The following SPAG17 variants were observed in gnomAD, a reference collection of about 807,000 sequenced individuals.
The protein encoded by SPAG17 is sperm-associated antigen 17.
Under a neutral mutation model 273.6 loss-of-function variants are expected in SPAG17, and 169 were observed. That is an observed-to-expected ratio of 0.62 (90% confidence interval 0.55 to 0.70). The LOEUF is 0.70. Ranked by LOEUF, SPAG17 falls within the 30% of genes least tolerant of loss-of-function variation. The probability of loss-of-function intolerance (pLI) is 0.00; values close to 1 mark genes in which losing one functional copy is unlikely to be tolerated. For missense variants in SPAG17, 2,557 were observed against 2,627.8 expected, an observed-to-expected ratio of 0.97 and a Z score of 0.59; for synonymous variants, 825 against 873.2, an observed-to-expected ratio of 0.94 and a Z score of 0.97.
chr1:118,116,461 G>A (rs772284262), intron 3 of SPAG17, among the ~76,000 whole-genome samples: 8 of 152,060 alleles, frequency 5.3e-5, no homozygotes, highest in South Asian at 4.1e-4. Context: ...CTCCTGGGGC[G>A]CATATGGTGT....
intron 8 of SPAG17, 59 bp downstream of exon 8, chr1:118,093,096 TG>T (rs1655491287): frequency 6.5e-7 from 1 of 1,527,970 alleles, no homozygotes; most frequent in East Asian, 2.3e-5. Context: ...CTTATAAATA[TG>T]AAAATAAAGT....
At chr1:118,109,043 A>G (rs938554506) in intron 4 of SPAG17, among the ~76,000 whole-genome samples, 50 of 152,160 alleles carry the variant, frequency 3.3e-4, no homozygotes, top group African/African-American at 1.2e-3. Context: ...GTCAAAATTC[A>G]AATATAATTA....
intron 3 of SPAG17, among the ~76,000 whole-genome samples, chr1:118,116,934 A>G (rs942560756): frequency 1.3e-5 from 2 of 152,208 alleles, no homozygotes; most frequent in African/African-American, 4.8e-5. Flanking sequence ...GCAGAAAAAC[A>G]TAGCAGTACA....
At chr1:118,029,336 C>G (rs1648154978) in intron 25 of SPAG17, among the ~76,000 whole-genome samples, 1 of 152,100 alleles carries the variant, frequency 6.6e-6, no homozygotes, top group East Asian at 1.9e-4. Context: ...GAACTGTGAG[C>G]AATAAATTTT....
intron 4 of SPAG17, among the ~76,000 whole-genome samples, chr1:118,108,191 T>C (rs1048851698): frequency 6.6e-6 from 1 of 152,178 alleles, no homozygotes; most frequent in Non-Finnish European, 1.5e-5. Flanking sequence ...ACTCCTCCCA[T>C]CCTTCATACT....
intron 40 of SPAG17, among the ~76,000 whole-genome samples, chr1:117,987,287 A>G (rs984136668): frequency 1.3e-5 from 2 of 152,192 alleles, no homozygotes; most frequent in Admixed American, 6.6e-5. Flanking sequence ...CACATTTCAC[A>G]AGACAACCCT....
intron 1 of SPAG17, among the ~76,000 whole-genome samples, chr1:118,156,433 C>T (rs1216901772): frequency 6.6e-6 from 1 of 152,210 alleles, no homozygotes; most frequent in Non-Finnish European, 1.5e-5. Context: ...CAGGAAACTG[C>T]AGGGTATTCA....
At chr1:118,033,849 TC>T (rs1417527506) in intron 24 of SPAG17, among the ~76,000 whole-genome samples, 2 of 152,210 alleles carry the variant, frequency 1.3e-5, no homozygotes, top group Non-Finnish European at 2.9e-5. Flanking sequence ...AGCTCTAAAG[TC>T]CCATCTGAAA....
At chr1:118,005,297 A>T in intron 32 of SPAG17, 117 bp downstream of exon 32, 2 of 785,850 alleles carry the variant, frequency 2.5e-6, no homozygotes, top group Non-Finnish European at 3.9e-6. Flanking sequence ...TATTGGCAGT[A>T]AGTGGATAAT....
rs17037873 is a variant in SPAG17, at chr1:118,086,297, A to G, written c.1612-225T>C. 8.7e-3 allele frequency among the ~76,000 whole-genome samples: 1,331 copies of G among 152,314 alleles called. 24 individuals carry two copies. The highest frequency in any genetic ancestry group is 0.03 in the African/African-American group (1,266 of 41,562). On this transcript the variant is annotated intron_variant, in intron 12 of 48. Coordinates refer to ENST00000336338, the MANE Select transcript of SPAG17 (RefSeq NM_206996.4). ...CACAAAAATGACTGATTCTTCATTC[A>G]CAGTGACAAACTGCCAAAGTCTCAT...
At position 118,053,911 on chromosome 1, in the gene SPAG17, A is replaced by G. The variant is rs1335032012; in HGVS notation, c.2814+91T>C. On this transcript the variant is annotated intron_variant, in intron 20 of 48. Coordinates refer to ENST00000336338, the MANE Select transcript of SPAG17 (RefSeq NM_206996.4). ...ATCTTCATGCTTCTTCCCAATCACT[A>G]TCCACTCCCACTGCCCCAAAGTCAA... 6 of 852,376 alleles carry G rather than the reference A, an allele frequency of 7.0e-6. No homozygotes were observed. The Admixed American group carries it at 7.4e-5, about 10-fold the overall frequency. The allele number at this position is 852,376 out of a possible 1,614,324, so 52.8% of individuals were successfully genotyped here.
chr1:118,023,537 C>A, intron 27 of SPAG17, 74 bp from the exon 28 acceptor site: 2 of 1,421,554 alleles, frequency 1.4e-6, no homozygotes, highest in East Asian at 2.4e-5. Flanking sequence ...CGCTGTGTGT[C>A]AAATGGAAAT....
chr1:118,154,420 G>A (rs928689190), intron 1 of SPAG17, among the ~76,000 whole-genome samples: 2 of 152,134 alleles, frequency 1.3e-5, no homozygotes, highest in Non-Finnish European at 1.5e-5. Context: ...GCTGCAGCAG[G>A]GGGGCAGTAA....
chr1:118,066,094 T>TC (rs1047063118), intron 18 of SPAG17, among the ~76,000 whole-genome samples: 1 of 152,032 alleles, frequency 6.6e-6, no homozygotes, highest in African/African-American at 2.4e-5. Flanking sequence ...TACAGTATAT[T>TC]CCCCCAATTA....
intron 17 of SPAG17, among the ~76,000 whole-genome samples, chr1:118,068,510 A>T (rs1653216172): frequency 2.0e-5 from 3 of 152,088 alleles, no homozygotes; most frequent in African/African-American, 7.2e-5. Context: ...TTGGGTTTTC[A>T]TATTGCTTTG....
intron 1 of SPAG17, among the ~76,000 whole-genome samples, chr1:118,180,867 C>T (rs1340464587): frequency 2.6e-5 from 4 of 151,826 alleles, no homozygotes; most frequent in Admixed American, 2.6e-4. Context: ...TTATTTTTAA[C>T]AGTATTATTG....
chr1:118,072,324 G>C (rs1283911163), intron 17 of SPAG17, among the ~76,000 whole-genome samples: 3 of 152,152 alleles, frequency 2.0e-5, no homozygotes, highest in Non-Finnish European at 2.9e-5. Context: ...TGGAAGAGAT[G>C]ATTCTCTACA....
At chr1:117,996,296 G>A in intron 34 of SPAG17, 74 bp downstream of exon 34, 1 of 1,484,446 alleles carries the variant, frequency 6.7e-7, no homozygotes, top group Non-Finnish European at 9.0e-7. Flanking sequence ...ATGACATGAA[G>A]ATAGACTGGA....
chr1:118,097,443 TCTA>T (rs1205752560), intron 7 of SPAG17, among the ~76,000 whole-genome samples: 41 of 152,194 alleles, frequency 2.7e-4, no homozygotes, highest in Admixed American at 2.7e-3. Context: ...TTGATCCTCA[TCTA>T]CTACATCTTA....
Sources: allele counts gnomAD v4.1 joint callset (sites outside exome capture counted in the v4.1 genomes callset), GRCh38; gene constraint gnomAD v4.1.1; transcripts MANE v1.5; gene names NCBI Gene and HGNC (gene_info 2026-07-23, HGNC 2026-07-21).